The following IQSEC1 variants were observed in gnomAD, a reference collection of about 807,000 sequenced individuals.
IQSEC1 encodes IQ motif and SEC7 domain-containing protein 1.
In IQSEC1, 31 loss-of-function variants were observed where a neutral mutation model predicts 91.0. The ratio of observed to expected loss-of-function variants is 0.34; its 90% CI spans 0.26 to 0.46. The LOEUF (loss-of-function observed/expected upper bound fraction) is 0.46. Ranked by LOEUF, IQSEC1 falls within the 20% of genes least tolerant of loss-of-function variation. The pLI is 1.00. For missense variants in IQSEC1, 1,388 were observed against 1,575.6 expected (o/e 0.88, Z 2.02); for synonymous variants, 699 against 662.6 (o/e 1.05, Z -0.84).
chr3:12,911,874 C>T, intron 9 of IQSEC1, 146 bp from the exon 10 acceptor site: 2 of 667,358 alleles, frequency 3.0e-6, no homozygotes, highest in Admixed American at 2.2e-5. Flanking sequence ...GCTTCCACTC[C>T]AAGACTCGGA....
At chr3:13,146,939 T>C (rs549477873) in intron 2 of IQSEC1, among the ~76,000 whole-genome samples, 48 of 152,202 alleles carry the variant, frequency 3.2e-4, no homozygotes, top group Non-Finnish European at 5.1e-4. Flanking sequence ...CCCAGCCCTC[T>C]AGAGTGCAGG....
chr3:13,053,161 G>A (rs1704751453), intron 1 of IQSEC1: 1 of 757,018 alleles, frequency 1.3e-6, no homozygotes. Flanking sequence ...CGATGATGGA[G>A]AAAGGAAGAG....
chr3:13,248,639 C>G (rs1359385184), intron 1 of IQSEC1, among the ~76,000 whole-genome samples: 1 of 152,232 alleles, frequency 6.6e-6, no homozygotes, highest in Non-Finnish European at 1.5e-5. Flanking sequence ...ATAAAAGTAG[C>G]CCCCTTACAG....
At position 13,259,167 on chromosome 3, in the gene IQSEC1, G is replaced by A. The variant is rs980886524; in HGVS notation, c.272+23544C>T. Among the ~76,000 whole-genome samples, 5 of 152,138 alleles carry A rather than the reference G, an allele frequency of 3.3e-5. No individual in the cohort carries two copies. Among genetic ancestry groups the A allele is most frequent in the African/African-American group, 9.7e-5 (4 of 41,430 alleles). ...CCAACTGCCCCCACTGGGCCACACC[G>A]CTCCACCTCCACCACCCTCTGCCAT... On this transcript the variant is annotated intron_variant, in intron 1 of 15. Transcript: ENST00000648114. This position sits in a 1 kb window ranked among gnomAD's most constrained non-coding sequence, Gnocchi z 4.6.
intron 1 of IQSEC1, among the ~76,000 whole-genome samples, chr3:13,046,759 A>G (rs993818676): frequency 6.6e-6 from 1 of 151,746 alleles, no homozygotes; most frequent in Non-Finnish European, 1.5e-5. Context: ...GAACCAGTCA[A>G]CCTCTAGTCA....
intron 1 of IQSEC1, among the ~76,000 whole-genome samples, chr3:13,252,727 T>TG (rs1491291579): frequency 2.9e-5 from 4 of 139,540 alleles, no homozygotes; most frequent in African/African-American, 1.3e-4. Context: ...TGTTTTTTTT[T>TG]GTTTTTGTTT....
intron 1 of IQSEC1, among the ~76,000 whole-genome samples, chr3:13,170,847 C>T (rs1190830402): frequency 2.0e-5 from 3 of 152,140 alleles, no homozygotes; most frequent in East Asian, 1.9e-4. Context: ...CGCCTGTAAT[C>T]CCAGCACTTT....
At chr3:13,232,205 T>C (rs1282529873) in intron 1 of IQSEC1, among the ~76,000 whole-genome samples, 1 of 152,194 alleles carries the variant, frequency 6.6e-6, no homozygotes, top group Non-Finnish European at 1.5e-5. Context: ...AGATGGGTTG[T>C]TCTGAGACCC....
chr3:13,265,275 G>A (rs1437013803), intron 1 of IQSEC1, among the ~76,000 whole-genome samples: 1 of 151,608 alleles, frequency 6.6e-6, no homozygotes, highest in African/African-American at 2.4e-5. Flanking sequence ...CCTAGGATCA[G>A]GGCCCAGCCC....
chr3:13,039,662 T>C (rs7613924), intron 1 of IQSEC1, among the ~76,000 whole-genome samples: 55,089 of 152,170 alleles, frequency 0.36, 11,724 homozygotes, highest in African/African-American at 0.6. Context: ...CATCCCCCTT[T>C]CCCCATGTTA....
intron 1 of IQSEC1, among the ~76,000 whole-genome samples, chr3:13,000,306 A>G (rs376424893): frequency 3.9e-5 from 6 of 152,230 alleles, no homozygotes; most frequent in South Asian, 2.1e-4. Context: ...GCAAAAATTC[A>G]TAGAAAGCTC....
chr3:13,234,224 G>A (rs1019046831), intron 1 of IQSEC1, among the ~76,000 whole-genome samples: 14 of 148,334 alleles, frequency 9.4e-5, no homozygotes, highest in African/African-American at 2.5e-4. Flanking sequence ...GTGAGCCCCC[G>A]TGTCTGTGCC....
intron 1 of IQSEC1, among the ~76,000 whole-genome samples, chr3:13,218,389 T>C (rs1189950980): frequency 2.6e-5 from 4 of 152,190 alleles, no homozygotes; most frequent in African/African-American, 9.7e-5. Context: ...GGTGTGTGCA[T>C]GAATGAGCTG....
chr3:13,122,944 G>A (rs910855624), intron 2 of IQSEC1, among the ~76,000 whole-genome samples: 5 of 152,138 alleles, frequency 3.3e-5, no homozygotes, highest in African/African-American at 9.7e-5. Context: ...CTGGTGACCC[G>A]GCCCTGCCCC....
intron 1 of IQSEC1, among the ~76,000 whole-genome samples, chr3:13,024,608 C>T (rs1477205338): frequency 1.3e-5 from 2 of 151,616 alleles, no homozygotes; most frequent in African/African-American, 4.8e-5. Context: ...ATCCATCCAT[C>T]CACCCATCTG....
At chr3:13,236,571 G>A (rs773328895) in intron 1 of IQSEC1, among the ~76,000 whole-genome samples, 4 of 152,142 alleles carry the variant, frequency 2.6e-5, no homozygotes, top group Non-Finnish European at 5.9e-5. Context: ...CCCATCCTCA[G>A]GTGCTTCGGA....
At chr3:13,111,178 G>C (rs974744614) in intron 2 of IQSEC1, among the ~76,000 whole-genome samples, 4 of 152,206 alleles carry the variant, frequency 2.6e-5, no homozygotes, top group African/African-American at 9.7e-5. Flanking sequence ...GGAGAGTTCT[G>C]TCCTGACTTA....
Position 13,084,554 on chromosome 3 carries a change from C to T in IQSEC1, c.303-37032G>A, listed in dbSNP as rs370989394. ...GGAGGAGACGGACATCAGATGATGACGGGTGCCATGATGGCCCTGGGCACT... is the reference window on the plus strand; with the variant it reads ...GGAGGAGACGGACATCAGATGATGATGGGTGCCATGATGGCCCTGGGCACT... On this transcript the variant is annotated intron_variant, in intron 2 of 15. Transcript: ENST00000648114. Among the ~76,000 whole-genome samples, 9 of 152,310 alleles carry T rather than the reference C, an allele frequency of 5.9e-5. No homozygotes were observed. The East Asian group carries it at 1.2e-3, about 20-fold the overall frequency.
rs950252308 is a variant in IQSEC1, at chr3:12,979,823, G to A, written c.24-37958C>T. On this transcript the variant is annotated intron_variant, in intron 1 of 13. Transcript: ENST00000613206. This position sits in a 1 kb window ranked among gnomAD's most constrained non-coding sequence, Gnocchi z 4.3. ...CAAGAGCTGAGCCTGTGCCTCACCC[G>A]GAATCGTTTCGCGGCCTGGATCTCA... Among the ~76,000 whole-genome samples the A allele has an allele frequency of 3.9e-5, 6 of 152,142 alleles. No individual in the cohort carries two copies. The East Asian group carries it at 5.8e-4, about 15-fold the overall frequency.
Sources: allele counts gnomAD v4.1 joint callset (sites outside exome capture counted in the v4.1 genomes callset), GRCh38; gene constraint gnomAD v4.1.1; non-coding constraint Gnocchi (gnomAD v3.1); transcripts MANE v1.5; gene names NCBI Gene and HGNC (gene_info 2026-07-23, HGNC 2026-07-21).